FBXO38: variants seen among roughly 807,000 people sequenced by gnomAD.
FBXO38 encodes F-box protein 38.
FBXO38 carries 53 observed loss-of-function variants against 131.9 expected under a neutral mutation model. The ratio of observed to expected loss-of-function variants is 0.40; its 90% confidence interval spans 0.32 to 0.51. FBXO38 has a LOEUF of 0.51. Ranked by LOEUF, FBXO38 falls within the 20% of genes least tolerant of loss-of-function variation. The pLI is 0.53. For synonymous variants in FBXO38, 452 were observed against 505.6 expected (o/e 0.89, Z 1.42); for missense variants, 1,076 against 1,475.6 (o/e 0.73, Z 4.44).
intron 1 of FBXO38, among the ~76,000 whole-genome samples, chr5:148,385,281 G>A (rs1225089424): frequency 6.6e-6 from 1 of 152,084 alleles, no homozygotes; most frequent in Non-Finnish European, 1.5e-5. Flanking sequence ...GTGCCTCTTT[G>A]TTTAAATGGC....
intron 1 of FBXO38, chr5:148,384,784 A>G (rs1757824504): frequency 6.6e-6 from 1 of 152,252 alleles, no homozygotes; most frequent in Non-Finnish European, 1.5e-5. Context: ...GCAACTGGTC[A>G]CTTAGGAAGG....
intron 10 of FBXO38, 25 bp downstream of exon 10, chr5:148,414,331 T>C: frequency 6.5e-7 from 1 of 1,531,248 alleles, no homozygotes. Flanking sequence ...AAAATACAGC[T>C]ATGTTTTATT....
chr5:148,429,785 T>C (rs1753928390), intron 15 of FBXO38, among the ~76,000 whole-genome samples: 2 of 152,192 alleles, frequency 1.3e-5, no homozygotes, highest in African/African-American at 4.8e-5. Flanking sequence ...GAAGTTTTGA[T>C]GTTATTTTTT....
intron 16 of FBXO38, 35 bp from the exon 17 acceptor site, chr5:148,433,600 T>A (rs201756650): frequency 6.4e-7 from 1 of 1,550,828 alleles, no homozygotes; most frequent in East Asian, 2.3e-5. Flanking sequence ...CTAAAGTTTG[T>A]ATCTTTATAT....
chr5:148,414,627 A>C (rs1752950152), intron 10 of FBXO38, among the ~76,000 whole-genome samples: 1 of 152,120 alleles, frequency 6.6e-6, no homozygotes, highest in African/African-American at 2.4e-5. Flanking sequence ...AGGATATTGT[A>C]GTTATTTTCT....
At chr5:148,387,340 C>T (rs1358729746) in intron 1 of FBXO38, among the ~76,000 whole-genome samples, 1 of 152,208 alleles carries the variant, frequency 6.6e-6, no homozygotes, top group Non-Finnish European at 1.5e-5. Flanking sequence ...CAAGTTTTAT[C>T]ATGAGATTGC....
At chr5:148,434,679 G>A (rs1754239962) in intron 17 of FBXO38, 1 of 152,166 alleles carries the variant, frequency 6.6e-6, no homozygotes, top group Non-Finnish European at 1.5e-5. Context: ...ATATCACAAA[G>A]TGAATCATAA....
At chr5:148,391,535 A>G (rs1052439583) in intron 1 of FBXO38, among the ~76,000 whole-genome samples, 6 of 152,220 alleles carry the variant, frequency 3.9e-5, no homozygotes, top group African/African-American at 4.8e-5. Context: ...AGTTAAAAGC[A>G]TATTAGGAAT....
Position 148,427,857 on chromosome 5 carries a change from T to A in FBXO38, c.2563T>A (p.Cys855Ser). ...GAGGGGGAGCTCCCAGCCTGAGAGT[T>A]GTGACGTGCAGTCTAATGAAGACTA... ...DRRGSSQPES[C>S]DVQSNEDYPR... Residue 855 changes from cysteine (C) to serine (S), a missense_variant, in exon 15 of 22, where the codon TGT becomes AGT. By Grantham distance (112) the Cys-to-Ser change is moderately radical (BLOSUM62 -1). Coordinates refer to ENST00000340253, the MANE Select transcript of FBXO38 (RefSeq NM_205836.3). 1 of 1,591,096 alleles carries A rather than the reference T, an allele frequency of 6.3e-7. No homozygotes were observed. The highest frequency in any genetic ancestry group is 8.5e-7 in the Non-Finnish European group (1 of 1,169,686).
At chr5:148,387,339 T>C (rs545716022) in intron 1 of FBXO38, among the ~76,000 whole-genome samples, 6 of 152,346 alleles carry the variant, frequency 3.9e-5, no homozygotes, top group African/African-American at 1.4e-4. Context: ...TCAAGTTTTA[T>C]CATGAGATTG....
At chr5:148,387,115 C>G (rs1360706357) in intron 1 of FBXO38, among the ~76,000 whole-genome samples, 3 of 151,760 alleles carry the variant, frequency 2.0e-5, no homozygotes, top group Non-Finnish European at 4.4e-5. Context: ...TTGTAACATG[C>G]GATGTATGAT....
rs1401681622 is a variant in FBXO38, at chr5:148,415,955, A to T, written c.1292A>T (p.Asp431Val). 1 of 1,613,620 alleles carries T rather than the reference A, an allele frequency of 6.2e-7. No homozygotes were observed. The highest frequency in any genetic ancestry group is 8.5e-7 in the Non-Finnish European group (1 of 1,179,686). The change falls in exon 11 of 22, where the codon GAT becomes GTT. Residue 431 changes from aspartate to valine, a missense_variant. Around this residue, in one of 8 missense-constraint regions of FBXO38, gnomAD observed 146 missense variants for 274.3 expected, o/e 0.53. Transcript: ENST00000340253. ...CACTCAAGATGGACTCGATTGGTTG[A>T]TATCAACCTAGTACGGTGCCATGCT... ...SDHSRWTRLVDINLVRCHALK... is the reference protein window; with the variant it reads ...SDHSRWTRLVVINLVRCHALK...
intron 1 of FBXO38, among the ~76,000 whole-genome samples, chr5:148,389,373 G>A (rs892593163): frequency 3.9e-5 from 6 of 152,194 alleles, no homozygotes; most frequent in African/African-American, 1.4e-4. Flanking sequence ...TTCAATTTGT[G>A]AAAGACACAT....
At chr5:148,409,286 A>G in intron 8 of FBXO38, 69 bp downstream of exon 8, 1 of 1,053,796 alleles carries the variant, frequency 9.5e-7, no homozygotes, top group Non-Finnish European at 1.5e-6. Flanking sequence ...TTTACAAAAA[A>G]TTGTGGAATG....
intron 2 of FBXO38, among the ~76,000 whole-genome samples, chr5:148,395,399 G>T (rs1323239706): frequency 2.0e-5 from 3 of 151,254 alleles, no homozygotes; most frequent in Admixed American, 2.0e-4. Context: ...CATTAAAGTT[G>T]TTTTATGATG....
intron 5 of FBXO38, among the ~76,000 whole-genome samples, chr5:148,404,391 T>C (rs928605949): frequency 1.3e-5 from 2 of 152,178 alleles, no homozygotes; most frequent in Non-Finnish European, 2.9e-5. Context: ...CCTAGAAGAG[T>C]TGTAAGATTA....
At chr5:148,422,588 C>T (rs371705332) in intron 12 of FBXO38, among the ~76,000 whole-genome samples, 49 of 152,128 alleles carry the variant, frequency 3.2e-4, no homozygotes, top group African/African-American at 1.1e-3. Flanking sequence ...TGAATTTCAC[C>T]ACTGTTTCTC....
At chr5:148,392,185 G>A (rs893153796) in intron 1 of FBXO38, among the ~76,000 whole-genome samples, 6 of 152,172 alleles carry the variant, frequency 3.9e-5, no homozygotes, top group African/African-American at 1.4e-4. Flanking sequence ...CATTTAGGAA[G>A]CCATTTCCGT....
chr5:148,405,666 T>G (rs1410538488), intron 6 of FBXO38, among the ~76,000 whole-genome samples: 1 of 152,258 alleles, frequency 6.6e-6, no homozygotes, highest in African/African-American at 2.4e-5. Context: ...TTCGTTATCC[T>G]GAGATGTGCA....
Sources: allele counts gnomAD v4.1 joint callset (sites outside exome capture counted in the v4.1 genomes callset), GRCh38; gene constraint gnomAD v4.1.1; regional missense constraint gnomAD v4.1.1; transcripts MANE v1.5; gene names NCBI Gene and HGNC (gene_info 2026-07-23, HGNC 2026-07-21).